PCDHGA4: variants seen among roughly 807,000 people sequenced by gnomAD.
PCDHGA4 encodes protocadherin gamma subfamily A, 4, also known as protocadherin gamma-A4.
In PCDHGA4, 38 loss-of-function variants were observed where a neutral mutation model predicts 54.6. The ratio of observed to expected loss-of-function variants is 0.70; its 90% CI spans 0.54 to 0.91. PCDHGA4 has a LOEUF of 0.91. PCDHGA4 is among the 40% of genes least tolerant of loss of function. The pLI is 0.00. For synonymous variants in PCDHGA4, 511 were observed against 512.9 expected (o/e 1.00, Z 0.05); for missense variants, 1,298 against 1,220.9 (o/e 1.06, Z -0.94).
intron 1 of PCDHGA4, among the ~76,000 whole-genome samples, chr5:141,450,375 A>G (rs1338336573): frequency 1.3e-5 from 2 of 152,166 alleles, no homozygotes; most frequent in Non-Finnish European, 2.9e-5. Context: ...GTTTGTTTAT[A>G]TGAAACTGAC....
At chr5:141,496,693 C>T (rs2099770546) in intron 2 of PCDHGA4, among the ~76,000 whole-genome samples, 1 of 152,164 alleles carries the variant, frequency 6.6e-6, no homozygotes, top group South Asian at 2.1e-4. Context: ...CCTTGCCAAC[C>T]TTCTCATAAG....
chr5:141,419,151 C>G, intron 1 of PCDHGA4: 3 of 1,613,918 alleles, frequency 1.9e-6, no homozygotes, highest in Non-Finnish European at 1.7e-6. Flanking sequence ...GGCAAGCCTC[C>G]GTTATCCTCC....
At position 141,469,305 on chromosome 5, in the gene PCDHGA4, G is replaced by A. The variant is rs990437808; in HGVS notation, c.2515-25502G>A. Among the ~76,000 whole-genome samples the A allele has an allele frequency of 3.9e-5, 6 of 152,192 alleles. No homozygotes were observed. The South Asian group carries it at 6.2e-4, about 16-fold the overall frequency. On this transcript the variant is annotated intron_variant, in intron 1 of 3. Transcript: ENST00000571252. ...AAATAAAACAAAATAGACTGGGCACGATGGCTCACGCCTGTAATCCCACCA... is the reference window on the plus strand; with the variant it reads ...AAATAAAACAAAATAGACTGGGCACAATGGCTCACGCCTGTAATCCCACCA...
intron 1 of PCDHGA4, chr5:141,403,609 G>A (rs1434656385): frequency 6.2e-7 from 1 of 1,613,870 alleles, no homozygotes; most frequent in South Asian, 1.1e-5. Flanking sequence ...ATGGCGGCGA[G>A]CCGCGTCGCT....
At chr5:141,401,734 G>T (rs2094188545) in intron 1 of PCDHGA4, among the ~76,000 whole-genome samples, 1 of 152,166 alleles carries the variant, frequency 6.6e-6, no homozygotes, top group Non-Finnish European at 1.5e-5. Context: ...CTAGTCTTGT[G>T]TACATACAAA....
chr5:141,431,709 T>C lies in PCDHGA4; in HGVS notation c.2515-63098T>C. On this transcript the variant is annotated intron_variant, in intron 1 of 3. Coordinates refer to ENST00000571252, the MANE Select transcript of PCDHGA4 (RefSeq NM_018917.4). This position sits in a 1 kb window ranked among gnomAD's most constrained non-coding sequence, Gnocchi z 4.8. ...CACGAGGAGTCAGGATTCTACCAGA[T>C]GGAAGTGCAAGCAATGGATAATGCA... The C allele has an allele frequency of 6.2e-7, 1 of 1,614,168 alleles. No individual in the cohort carries two copies. Among genetic ancestry groups the C allele is most frequent in the Non-Finnish European group, 8.5e-7 (1 of 1,180,018 alleles).
At chr5:141,417,304 AG>A (rs1315238937) in intron 1 of PCDHGA4, 1 of 152,318 alleles carries the variant, frequency 6.6e-6, no homozygotes, top group East Asian at 1.9e-4. Context: ...CTCTGGATGG[AG>A]GAATTGGATA....
At chr5:141,397,842 G>T (rs7703108) in intron 1 of PCDHGA4, 79,958 of 516,008 alleles carry the variant, frequency 0.15, 7,302 homozygotes, top group African/African-American at 0.31. Flanking sequence ...ACTTGAAGCC[G>T]CAGAGGCTGT....
At chr5:141,461,963 C>T (rs1396490046) in intron 1 of PCDHGA4, among the ~76,000 whole-genome samples, 1 of 152,084 alleles carries the variant, frequency 6.6e-6, no homozygotes, top group Non-Finnish European at 1.5e-5. Flanking sequence ...AGCTGGGATT[C>T]CAGGCATATG....
At chr5:141,479,855 C>T (rs1330076788) in intron 1 of PCDHGA4, among the ~76,000 whole-genome samples, 2 of 152,128 alleles carry the variant, frequency 1.3e-5, no homozygotes, top group Non-Finnish European at 2.9e-5. Context: ...ACTGCAAGGC[C>T]TTTGCCCTGG....
At chr5:141,398,372 G>C in intron 1 of PCDHGA4, 1 of 1,437,202 alleles carries the variant, frequency 7.0e-7, no homozygotes, top group Non-Finnish European at 9.7e-7. Context: ...GCAGAGAGCG[G>C]GGAGTTGCTT....
rs1759751524 is a variant in PCDHGA4 at position 141,355,197 on chromosome 5, T to G, written c.90T>G (p.Val30=). ...AGCACAGGCGACTCCGCGGCGGGGT[T>G]GTAATGGCGGCGCCTCCTGCTCGCC... is the stretch of plus-strand genomic sequence containing the variant. ...KPKHRRLRGG[V]VMAAPPARPD... Residue 30 remains valine, a synonymous_variant, in exon 1 of 4, where the codon GTT becomes GTG. Transcript: ENST00000571252. 1 of 1,596,530 alleles carries G rather than the reference T, an allele frequency of 6.3e-7. No individual in the cohort carries two copies. The highest frequency in any genetic ancestry group is 1.3e-5 in the African/African-American group (1 of 74,424).
chr5:141,414,556 T>G, intron 1 of PCDHGA4: 2 of 1,613,990 alleles, frequency 1.2e-6, no homozygotes, highest in Non-Finnish European at 1.7e-6. Flanking sequence ...TCAAGTCTCC[T>G]ACTTTACCTA....
At chr5:141,409,967 AC>A (rs779248187) in intron 1 of PCDHGA4, 29 of 1,613,086 alleles carry the variant, frequency 1.8e-5, no homozygotes, top group Non-Finnish European at 2.4e-5. Flanking sequence ...CTACCTAGTG[AC>A]TAAGGTGGTA....
chr5:141,487,577 C>A lies in PCDHGA4; in HGVS notation c.2515-7230C>A. 1.2e-6 allele frequency: 2 copies of A among 1,614,150 alleles called. No individual in the cohort carries two copies. Among genetic ancestry groups the A allele is most frequent in the Non-Finnish European group, 1.7e-6 (2 of 1,180,024 alleles). ...ACCTATGGCAGGGGAGCCTGTTCGC[C>A]CAAGCTGCCCACCCTCTGATCTTCT... On this transcript the variant is annotated intron_variant, in intron 1 of 3. Coordinates refer to ENST00000571252, the MANE Select transcript of PCDHGA4 (RefSeq NM_018917.4). The surrounding 1 kb of genome is among the most constrained non-coding windows in gnomAD (Gnocchi z 5.0).
intron 1 of PCDHGA4, chr5:141,364,768 G>C: frequency 6.2e-7 from 1 of 1,613,956 alleles, no homozygotes; most frequent in Non-Finnish European, 8.5e-7. Context: ...ATGAAAATGC[G>C]GCTGCAGGGA....
In PCDHGA4 at chr5:141,376,300, C is replaced by G. The variant is rs202008607; in HGVS notation, c.2514+18679C>G. 1.3e-4 allele frequency: 204 copies of G among 1,614,218 alleles called. 1 individual carries two copies. The Middle Eastern group carries it at 1.7e-3, about 13-fold the overall frequency. On this transcript the variant is annotated intron_variant, in intron 1 of 3. Coordinates refer to ENST00000571252, the MANE Select transcript of PCDHGA4 (RefSeq NM_018917.4). ...GCTTAGCGAGCATGCCCGGCTCGCA[C>G]TTTGTGGGCGTGGAAGGGGTTCGGG...
Position 141,414,991 on chromosome 5 carries a change from G to A in PCDHGA4, c.2514+57370G>A, listed in dbSNP as rs1162432290. ...GGTGGACAGAGACTCCGGCCAGAAC[G>A]CCTGGCTGTCCTACCGTCTGCTCAA... On this transcript the variant is annotated intron_variant, in intron 1 of 3. Transcript: ENST00000571252. 10 of 1,613,648 alleles carry A rather than the reference G, an allele frequency of 6.2e-6. No homozygotes were observed. The Admixed American group carries it at 1.2e-4, about 19-fold the overall frequency.
intron 1 of PCDHGA4, among the ~76,000 whole-genome samples, chr5:141,451,908 G>A (rs899191624): frequency 3.9e-5 from 6 of 152,046 alleles, no homozygotes; most frequent in African/African-American, 7.2e-5. Context: ...AAGGGAGGGA[G>A]GGAGGAAGGA....
Sources: gnomAD v4.1 joint callset for allele counts (sites outside exome capture counted in the v4.1 genomes callset) on GRCh38, gnomAD v4.1.1 for gene constraint, Gnocchi (gnomAD v3.1) non-coding constraint, MANE v1.5 for transcripts, NCBI Gene and HGNC (gene_info 2026-07-23, HGNC 2026-07-21) for gene names.